The following FAM78B variants were observed in gnomAD, a reference collection of about 807,000 sequenced individuals.
The protein encoded by FAM78B is family with sequence similarity 78 member B.
A neutral mutation model predicts 20.0 loss-of-function variants in FAM78B; 10 were observed. That is an observed-to-expected ratio of 0.50 (90% CI 0.31 to 0.85). The LOEUF (loss-of-function observed/expected upper bound fraction) is 0.85. Among genes scored for constraint, FAM78B ranks in the 40% least tolerant of loss-of-function variants. The pLI, the probability that FAM78B is intolerant of heterozygous loss-of-function variation, is 0.05. For missense variants in FAM78B, 283 were observed against 345.0 expected (o/e 0.82, Z 1.42); for synonymous variants, 135 against 132.8 (o/e 1.02, Z -0.12).
chr1:166,091,584 GTATC>G (rs1276342046), intron 1 of FAM78B, among the ~76,000 whole-genome samples: 5 of 152,162 alleles, frequency 3.3e-5, no homozygotes, highest in African/African-American at 1.2e-4. Context: ...AGTCTCAGGT[GTATC>G]TATCTTTACC....
At chr1:166,062,351 T>C (rs1651630545) in intron 2 of FAM78B, among the ~76,000 whole-genome samples, 1 of 152,162 alleles carries the variant, frequency 6.6e-6, no homozygotes, top group Non-Finnish European at 1.5e-5. Flanking sequence ...CTAATTCTAC[T>C]GAAGAGAAAA....
chr1:166,115,665 A>G (rs983497029), intron 1 of FAM78B, among the ~76,000 whole-genome samples: 1 of 152,182 alleles, frequency 6.6e-6, no homozygotes, highest in Non-Finnish European at 1.5e-5. Context: ...ACAAAGAAGG[A>G]GGTGAGTCCA....
In FAM78B at chr1:166,075,216, C is replaced by T. The variant is rs950377939; in HGVS notation, c.264-4453G>A. Among the ~76,000 whole-genome samples the T allele has an allele frequency of 2.0e-5, 3 of 152,142 alleles. No homozygotes were observed. In the South Asian group the frequency reaches 6.2e-4, roughly 32 times the overall value. On this transcript the variant is annotated intron_variant, in intron 1 of 1. Transcript: ENST00000354422. ...GGATTAGAGGGTTAAAGGGAGGGAA[C>T]GAGGATGTTTAGGAGCTTCTGCAAC...
intron 1 of FAM78B, among the ~76,000 whole-genome samples, chr1:166,078,617 T>A (rs1652429803): frequency 6.6e-6 from 1 of 152,156 alleles, no homozygotes; most frequent in Non-Finnish European, 1.5e-5. Flanking sequence ...CAACAAATTC[T>A]CCCACTGCCT....
At chr1:166,095,507 A>G (rs1273550092) in intron 1 of FAM78B, among the ~76,000 whole-genome samples, 1 of 151,972 alleles carries the variant, frequency 6.6e-6, no homozygotes, top group Non-Finnish European at 1.5e-5. Context: ...GGGCATGTGT[A>G]CTCTTCCTAG....
intron 1 of FAM78B, among the ~76,000 whole-genome samples, chr1:166,128,986 G>A (rs1280845466): frequency 1.3e-5 from 2 of 152,138 alleles, no homozygotes; most frequent in Admixed American, 1.3e-4. Flanking sequence ...TTCATGGGAG[G>A]AAAAACAGAC....
chr1:166,119,416 A>G (rs1654384292), intron 1 of FAM78B, among the ~76,000 whole-genome samples: 1 of 152,170 alleles, frequency 6.6e-6, no homozygotes, highest in Non-Finnish European at 1.5e-5. Flanking sequence ...ATGGTAAAAA[A>G]CAAGCCCTAT....
intron 1 of FAM78B, among the ~76,000 whole-genome samples, chr1:166,114,501 A>G (rs959321610): frequency 2.0e-5 from 3 of 152,234 alleles, no homozygotes; most frequent in African/African-American, 7.2e-5. Flanking sequence ...GGGGTTTATA[A>G]TAGAGACAAA....
At chr1:166,063,768 G>A (rs149802895) in intron 2 of FAM78B, among the ~76,000 whole-genome samples, 6 of 152,310 alleles carry the variant, frequency 3.9e-5, no homozygotes, top group Admixed American at 1.3e-4. Context: ...GTGGCACTGG[G>A]TTGTGCTCTG....
intron 1 of FAM78B, among the ~76,000 whole-genome samples, chr1:166,099,574 A>G (rs1251324942): frequency 6.6e-6 from 1 of 152,208 alleles, no homozygotes; most frequent in East Asian, 1.9e-4. Flanking sequence ...AAAGGGGTGG[A>G]AAAAGCCATT....
intron 1 of FAM78B, among the ~76,000 whole-genome samples, chr1:166,114,257 G>A (rs1264463324): frequency 1.3e-5 from 2 of 152,166 alleles, no homozygotes; most frequent in African/African-American, 2.4e-5. Flanking sequence ...ATAGTCTAAT[G>A]CCCATTTAGA....
At chr1:166,083,046 C>T (rs1279028545) in intron 1 of FAM78B, among the ~76,000 whole-genome samples, 2 of 152,174 alleles carry the variant, frequency 1.3e-5, no homozygotes, top group African/African-American at 2.4e-5. Context: ...CTACTTGCAG[C>T]CCTTGAAGCC....
At chr1:166,064,352 C>G (rs929671702), downstream of FAM78B, among the ~76,000 whole-genome samples, 2 of 152,014 alleles carry the variant, frequency 1.3e-5, no homozygotes, top group African/African-American at 4.8e-5. Context: ...ATATATTTTC[C>G]TCTGAATCTC....
At chr1:166,129,460 C>T (rs924776636) in intron 1 of FAM78B, among the ~76,000 whole-genome samples, 2 of 152,178 alleles carry the variant, frequency 1.3e-5, no homozygotes. Flanking sequence ...CTGCAATGAA[C>T]AAAGCATCAA....
chr1:166,127,708 A>C (rs947524996), intron 1 of FAM78B, among the ~76,000 whole-genome samples: 1 of 152,224 alleles, frequency 6.6e-6, no homozygotes, highest in Non-Finnish European at 1.5e-5. Context: ...GAGAAAGACA[A>C]ATTTAGTTCA....
chr1:166,059,027 A>C (rs1187032777), exon 3 of FAM78B: 2 of 152,634 alleles, frequency 1.3e-5, no homozygotes, highest in Non-Finnish European at 2.9e-5. Flanking sequence ...TAAGACTTAC[A>C]TGGGCCATAC....
intron 1 of FAM78B, among the ~76,000 whole-genome samples, chr1:166,117,114 C>T (rs919026131): frequency 2.6e-5 from 4 of 152,292 alleles, no homozygotes; most frequent in Admixed American, 2.6e-4. Context: ...TTTCAGACCC[C>T]CCAGAACTCT....
At chr1:166,086,484 A>G (rs1278836832) in intron 1 of FAM78B, among the ~76,000 whole-genome samples, 2 of 152,142 alleles carry the variant, frequency 1.3e-5, no homozygotes, top group Admixed American at 1.3e-4. Context: ...TGTAGGGGGA[A>G]GGGTCAAGGT....
intron 1 of FAM78B, among the ~76,000 whole-genome samples, chr1:166,153,657 C>G (rs1378391235): frequency 6.6e-6 from 1 of 152,128 alleles, no homozygotes; most frequent in Non-Finnish European, 1.5e-5. Flanking sequence ...GAAGGAGGGC[C>G]AGGCTGCAAC....
Sources: allele counts gnomAD v4.1 joint callset (sites outside exome capture counted in the v4.1 genomes callset), GRCh38; gene constraint gnomAD v4.1.1; transcripts MANE v1.5; gene names NCBI Gene and HGNC (gene_info 2026-07-23, HGNC 2026-07-21).